Variants in CFAP61 observed in about 807,000 individuals in gnomAD.
CFAP61 encodes the protein cilia and flagella associated protein 61, also known as cilia- and flagella-associated protein 61.
In CFAP61, 107 loss-of-function variants were observed where a neutral mutation model predicts 135.6. That is an observed-to-expected ratio of 0.79 (90% CI 0.67 to 0.93). The LOEUF is 0.93. CFAP61 is among the 40% of genes least tolerant of loss of function. The pLI, the probability that CFAP61 is intolerant of heterozygous loss-of-function variation, is 0.00. For synonymous variants in CFAP61, 575 were observed against 578.5 expected, an observed-to-expected ratio of 0.99 and a Z score of 0.09; for missense variants, 1,507 against 1,556.2, an observed-to-expected ratio of 0.97 and a Z score of 0.53.
At chr20:20,124,125 T>A (rs952659121) in intron 8 of CFAP61, among the ~76,000 whole-genome samples, 2 of 151,616 alleles carry the variant, frequency 1.3e-5, no homozygotes, top group African/African-American at 4.9e-5. Context: ...TTATCAGTTC[T>A]AGGAGCTTTT....
chr20:20,267,405 T>A (rs2052854276), intron 21 of CFAP61: 1 of 152,484 alleles, frequency 6.6e-6, no homozygotes, highest in African/African-American at 2.4e-5. Flanking sequence ...CGGGTGCCGC[T>A]GTACACACAT....
At chr20:20,093,520 C>T (rs565810119) in intron 7 of CFAP61, among the ~76,000 whole-genome samples, 249 of 150,964 alleles carry the variant, frequency 1.6e-3, no homozygotes, top group Non-Finnish European at 2.8e-3. Flanking sequence ...CTGCAACCTC[C>T]ACCTCCCGGG....
chr20:20,190,345 A>G (rs1441180154), intron 14 of CFAP61, among the ~76,000 whole-genome samples: 1 of 152,266 alleles, frequency 6.6e-6, no homozygotes, highest in African/African-American at 2.4e-5. Context: ...TGAGTGGGGA[A>G]AAAAGCCAAC....
At chr20:20,352,303 T>A (rs962617854) in intron 26 of CFAP61, among the ~76,000 whole-genome samples, 6 of 143,632 alleles carry the variant, frequency 4.2e-5, no homozygotes, top group Non-Finnish European at 6.4e-5. Context: ...CCCACTATCA[T>A]GAGAACACCC....
Position 20,360,494 on chromosome 20 carries a change from G to A in CFAP61, c.*84G>A. ...TGTAGAAATAGAAAAGTTCTCTGCA[G>A]CCTGGTTTGACAGCGAAGCCAGCCC... is the stretch of plus-strand genomic sequence containing the variant. On this transcript the variant is annotated 3_prime_UTR_variant, in exon 27 of 27. Transcript: ENST00000245957. 1 of 1,320,742 alleles carries A rather than the reference G, an allele frequency of 7.6e-7. No homozygotes were observed. The highest frequency in any genetic ancestry group is 1.1e-6 in the Non-Finnish European group (1 of 939,424). 81.8% of individuals were successfully genotyped at this position (1,320,742 alleles called of 1,614,324 possible). A position where few individuals can be genotyped will look rare whatever the true frequency, so the allele number is the denominator to read the frequency against.
chr20:20,058,998 G>C (rs1442661170), intron 2 of CFAP61, among the ~76,000 whole-genome samples: 1 of 152,056 alleles, frequency 6.6e-6, no homozygotes, highest in East Asian at 1.9e-4. Context: ...AAATAACTAT[G>C]TTTACTATGT....
At chr20:20,310,341 C>G (rs2145057) in intron 25 of CFAP61, among the ~76,000 whole-genome samples, 102,207 of 152,020 alleles carry the variant, frequency 0.67, 34,453 homozygotes, top group East Asian at 0.74. Flanking sequence ...CTGGTTTTAA[C>G]TAAACTAACC....
intron 10 of CFAP61, among the ~76,000 whole-genome samples, chr20:20,161,974 T>C (rs1021712287): frequency 3.3e-5 from 5 of 152,210 alleles, no homozygotes; most frequent in African/African-American, 1.2e-4. Flanking sequence ...AAATTTATTA[T>C]TGTGCAGTTC....
At chr20:20,355,700 G>A (rs1440413766) in intron 26 of CFAP61, among the ~76,000 whole-genome samples, 1 of 145,714 alleles carries the variant, frequency 6.9e-6, no homozygotes, top group Non-Finnish European at 1.5e-5. Flanking sequence ...CACTGTGAGA[G>A]GAGGTGGTCA....
intron 16 of CFAP61, among the ~76,000 whole-genome samples, chr20:20,198,992 A>C (rs2056459329): frequency 6.6e-6 from 1 of 152,206 alleles, no homozygotes; most frequent in African/African-American, 2.4e-5. Context: ...ATTTCACCAA[A>C]ACCCCTAAGA....
intron 6 of CFAP61, among the ~76,000 whole-genome samples, chr20:20,084,144 A>G (rs1029990231): frequency 1.8e-4 from 27 of 152,214 alleles, no homozygotes; most frequent in African/African-American, 6.0e-4. Flanking sequence ...CTTAACTAGA[A>G]CACACTGCAT....
At chr20:20,121,817 C>A (rs2146696157) in intron 8 of CFAP61, among the ~76,000 whole-genome samples, 1 of 152,244 alleles carries the variant, frequency 6.6e-6, no homozygotes, top group African/African-American at 2.4e-5. Flanking sequence ...TTTCAACTGC[C>A]ATTTTGTTGC....
intron 8 of CFAP61, among the ~76,000 whole-genome samples, chr20:20,131,300 G>C (rs188979755): frequency 1.3e-5 from 2 of 151,874 alleles, no homozygotes; most frequent in Admixed American, 1.3e-4. Flanking sequence ...GTTTTTGTGG[G>C]AAGGTTTTTA....
At chr20:20,323,223 C>T in intron 25 of CFAP61, 1 of 985,364 alleles carries the variant, frequency 1.0e-6, no homozygotes, top group Middle Eastern at 5.2e-4. Context: ...TCAGCATGGG[C>T]ATGAAAGGCA....
intron 25 of CFAP61, among the ~76,000 whole-genome samples, chr20:20,311,074 G>C (rs545235780): frequency 4.1e-4 from 62 of 152,318 alleles, no homozygotes; most frequent in Middle Eastern, 3.4e-3. Context: ...CCCGGCCTGT[G>C]ATATTTTGGC....
chr20:20,242,926 G>A (rs553266868), intron 18 of CFAP61, among the ~76,000 whole-genome samples: 2 of 152,318 alleles, frequency 1.3e-5, no homozygotes, highest in East Asian at 3.9e-4. Context: ...GAGGTAAGGT[G>A]AGAGGATGCT....
At chr20:20,246,365 G>C in intron 19 of CFAP61, 150 bp downstream of exon 19, 1 of 665,740 alleles carries the variant, frequency 1.5e-6, no homozygotes, top group East Asian at 2.8e-5. Flanking sequence ...GGAGATACAA[G>C]TACCAGTGTG....
At chr20:20,243,763 T>C (rs960817617) in intron 18 of CFAP61, among the ~76,000 whole-genome samples, 1 of 152,118 alleles carries the variant, frequency 6.6e-6, no homozygotes, top group African/African-American at 2.4e-5. Flanking sequence ...CATTATAGCA[T>C]TAACTCAAAA....
chr20:20,329,495 GC>G (rs2057898302), intron 25 of CFAP61, among the ~76,000 whole-genome samples: 1 of 152,170 alleles, frequency 6.6e-6, no homozygotes, highest in African/African-American at 2.4e-5. Flanking sequence ...CATTGCAGCT[GC>G]ATTTAGCAGG....
Sources: gnomAD v4.1 joint callset for allele counts (sites outside exome capture counted in the v4.1 genomes callset) on GRCh38, gnomAD v4.1.1 for gene constraint, MANE v1.5 for transcripts, NCBI Gene and HGNC (gene_info 2026-07-23, HGNC 2026-07-21) for gene names.